Variants in LONRF1 observed in about 807,000 individuals in gnomAD.
LONRF1 encodes the protein LON peptidase N-terminal domain and ring finger 1.
In LONRF1, 37 loss-of-function variants were observed where a neutral mutation model predicts 85.8. That is an observed-to-expected ratio of 0.43 (90% CI 0.33 to 0.57). LONRF1 has a LOEUF of 0.57. LONRF1 is among the 20% of genes least tolerant of loss of function. The probability of loss-of-function intolerance (pLI) is 0.04; values close to 1 mark genes in which losing one functional copy is unlikely to be tolerated. For missense variants in LONRF1, 1,036 were observed against 978.0 expected (o/e 1.06, Z -0.79); for synonymous variants, 517 against 390.1 (o/e 1.33, Z -3.83).
intron 11 of LONRF1, among the ~76,000 whole-genome samples, chr8:12,724,605 C>A (rs1585216777): frequency 6.6e-6 from 1 of 152,206 alleles, no homozygotes; most frequent in Non-Finnish European, 1.5e-5. Flanking sequence ...TCACACAACA[C>A]TGCTAACAGA....
intron 2 of LONRF1, 101 bp downstream of exon 2, chr8:12,743,063 A>G (rs1366759730): frequency 1.3e-6 from 1 of 756,234 alleles, no homozygotes; most frequent in African/African-American, 1.8e-5. Flanking sequence ...TTTTATTTGG[A>G]GTCAACCATC....
chr8:12,725,369 G>A (rs188600466), intron 11 of LONRF1, among the ~76,000 whole-genome samples: 3 of 152,276 alleles, frequency 2.0e-5, no homozygotes, highest in Admixed American at 2.0e-4. Context: ...ACAGCAACAG[G>A]CGATGGGCTC....
chr8:12,748,314 C>A (rs937406097), intron 1 of LONRF1, among the ~76,000 whole-genome samples: 1 of 152,094 alleles, frequency 6.6e-6, no homozygotes, highest in Non-Finnish European at 1.5e-5. Context: ...AATAGATACT[C>A]CAGCCTCAGT....
At chr8:12,725,963 G>T (rs569132339) in intron 10 of LONRF1, 84 bp from the exon 11 acceptor site, 1 of 1,318,006 alleles carries the variant, frequency 7.6e-7, no homozygotes, top group South Asian at 1.3e-5. Flanking sequence ...TGGAAAAAGG[G>T]ATCAGAAGAA....
In LONRF1 at chr8:12,738,250, A is replaced by AT. The variant is rs199814829; in HGVS notation, c.964-107dup. ...AATATGTAGAAAGTTTGTAGCAGAC[A>AT]TTTTTTTAATGAGCAGGAGGGGAAC... On this transcript the variant is annotated intron_variant, in intron 3 of 11. Coordinates refer to ENST00000398246, the MANE Select transcript of LONRF1 (RefSeq NM_152271.5). 2,518 of 755,710 alleles carry AT rather than the reference A, an allele frequency of 3.3e-3. 52 individuals are homozygous for AT. The African/African-American group carries it at 0.039, about 12-fold the overall frequency. 46.8% of individuals were successfully genotyped at this position (755,710 alleles called of 1,614,324 possible). A position where few individuals can be genotyped will look rare whatever the true frequency, so the allele number is the denominator to read the frequency against.
chr8:12,748,883 G>C (rs1324722910), intron 1 of LONRF1, among the ~76,000 whole-genome samples: 1 of 150,230 alleles, frequency 6.7e-6, no homozygotes, highest in Admixed American at 6.7e-5. Flanking sequence ...GCTCAAAGCT[G>C]CCAAGTGATA....
chr8:12,726,841 A>G (rs9632851), intron 10 of LONRF1, among the ~76,000 whole-genome samples: 125,542 of 152,180 alleles, frequency 0.82, 52,219 homozygotes, highest in East Asian at 0.95. Flanking sequence ...CAAAAAAGCA[A>G]ACTTTTTACT....
chr8:12,730,835 A>AG (rs1303754840), intron 8 of LONRF1, among the ~76,000 whole-genome samples: 1 of 152,202 alleles, frequency 6.6e-6, no homozygotes, highest in Admixed American at 6.5e-5. Context: ...ACATGTTGAT[A>AG]AAGGAGTCTA....
intron 1 of LONRF1, among the ~76,000 whole-genome samples, chr8:12,752,355 C>A (rs1799442279): frequency 6.6e-6 from 1 of 152,076 alleles, no homozygotes; most frequent in African/African-American, 2.4e-5. Context: ...ATAAATCGGC[C>A]CTTTACCAAC....
chr8:12,743,391 T>C lies in LONRF1; in HGVS notation c.722-109A>G, dbSNP rs142044637. On this transcript the variant is annotated intron_variant, in intron 1 of 11. Transcript: ENST00000398246. ...AATGACTTAGTGATTCCAGGGTTAATAATCACCAAACTAAAGTCTATAAGC... is the reference window on the plus strand; with the variant it reads ...AATGACTTAGTGATTCCAGGGTTAACAATCACCAAACTAAAGTCTATAAGC... The C allele has an allele frequency of 1.4e-3, 1,051 of 726,482 alleles. 8 individuals are homozygous for C. The African/African-American group carries it at 0.017, about 12-fold the overall frequency. 45.0% of individuals were successfully genotyped at this position (726,482 alleles called of 1,614,324 possible).
intron 7 of LONRF1, among the ~76,000 whole-genome samples, chr8:12,734,268 G>C (rs933762457): frequency 6.6e-6 from 1 of 151,818 alleles, no homozygotes; most frequent in Non-Finnish European, 1.5e-5. Flanking sequence ...TTACATATCA[G>C]CTTGTTATAT....
rs370593926 is a variant in LONRF1, at chr8:12,723,334, A to G, written c.2164-80T>C. On this transcript the variant is annotated intron_variant, in intron 11 of 11. Transcript: ENST00000398246. The stretch of plus-strand genomic sequence containing the variant: ...AGTAGCAAACCACCAAAAAATTACT[A>G]TTTATTGAGCACTTGTACTATGTGC... The G allele has an allele frequency of 1.8e-5, 24 of 1,347,368 alleles. 1 individual carries two copies. Among genetic ancestry groups the G allele is most frequent in the Non-Finnish European group, 2.4e-5 (23 of 977,332 alleles). 83.5% of individuals were successfully genotyped at this position (1,347,368 alleles called of 1,614,324 possible).
chr8:12,751,199 C>G (rs756675901), intron 1 of LONRF1, among the ~76,000 whole-genome samples: 9 of 151,186 alleles, frequency 6.0e-5, no homozygotes, highest in Non-Finnish European at 1.3e-4. Flanking sequence ...GATAATATTA[C>G]AGTACTCCAT....
chr8:12,742,079 T>A (rs763909683), intron 2 of LONRF1, among the ~76,000 whole-genome samples: 17 of 152,226 alleles, frequency 1.1e-4, no homozygotes, highest in Non-Finnish European at 2.4e-4. Context: ...GAAGAAAACC[T>A]TTCTGATTAC....
At chr8:12,748,209 T>C (rs573212181) in intron 1 of LONRF1, among the ~76,000 whole-genome samples, 20 of 152,298 alleles carry the variant, frequency 1.3e-4, no homozygotes, top group African/African-American at 4.6e-4. Flanking sequence ...TTGTACTTTA[T>C]TTATTTGAGA....
At chr8:12,739,561 A>T (rs911235724) in intron 3 of LONRF1, among the ~76,000 whole-genome samples, 36 of 152,284 alleles carry the variant, frequency 2.4e-4, no homozygotes, top group Non-Finnish European at 3.7e-4. Flanking sequence ...GCTGTTACAC[A>T]GGTACATACA....
intron 11 of LONRF1, among the ~76,000 whole-genome samples, chr8:12,725,417 G>C (rs1458523306): frequency 1.3e-5 from 2 of 152,168 alleles, no homozygotes; most frequent in African/African-American, 4.8e-5. Context: ...ACAGTTTCTA[G>C]ATAGTAACAT....
At chr8:12,742,428 C>A (rs1027547066) in intron 2 of LONRF1, among the ~76,000 whole-genome samples, 1 of 152,180 alleles carries the variant, frequency 6.6e-6, no homozygotes, top group African/African-American at 2.4e-5. Flanking sequence ...TTAAAAGCCA[C>A]ATGGGCAAGG....
At chr8:12,728,287 A>G (rs1389463381) in intron 10 of LONRF1, among the ~76,000 whole-genome samples, 1 of 152,176 alleles carries the variant, frequency 6.6e-6, no homozygotes, top group Non-Finnish European at 1.5e-5. Context: ...TATTCTAGAA[A>G]GACATCACAA....
Sources: gnomAD v4.1 joint callset for allele counts (sites outside exome capture counted in the v4.1 genomes callset) on GRCh38, gnomAD v4.1.1 for gene constraint, MANE v1.5 for transcripts, NCBI Gene and HGNC (gene_info 2026-07-23, HGNC 2026-07-21) for gene names.